Variants in CA10 observed in about 807,000 individuals in gnomAD.
CA10 encodes carbonic anhydrase-related protein 10.
A neutral mutation model predicts 44.2 loss-of-function variants in CA10; 14 were observed. The ratio of observed to expected loss-of-function variants is 0.32; its 90% CI spans 0.21 to 0.50. The LOEUF is 0.50. Ranked by LOEUF, CA10 falls within the 20% of genes least tolerant of loss-of-function variation. CA10 has a pLI of 0.99. For missense variants in CA10, 350 were observed against 409.7 expected, an observed-to-expected ratio of 0.85 and a Z score of 1.26; for synonymous variants, 159 against 141.6, an observed-to-expected ratio of 1.12 and a Z score of -0.87.
In CA10 at chr17:52,132,728, G is replaced by A. The variant is rs569123610; in HGVS notation, c.61+24998C>T. The stretch of plus-strand genomic sequence containing the variant: ...GAAACAAATTTAGGGAGGATTTGGG[G>A]CCCTAAGCCTAGAGATTCCAAGGTC... On this transcript the variant is annotated intron_variant, in intron 1 of 8. Coordinates refer to ENST00000451037, the MANE Select transcript of CA10 (RefSeq NM_020178.5). 1.5e-4 allele frequency among the ~76,000 whole-genome samples: 23 copies of A among 152,270 alleles called. No homozygotes were observed. In the South Asian group the frequency reaches 4.3e-3, roughly 29 times the overall value.
rs546470304 is a variant in CA10 at position 51,822,704 on chromosome 17, C to T, written c.280-74886G>A. 2.0e-5 allele frequency among the ~76,000 whole-genome samples: 3 copies of T among 152,268 alleles called. No homozygotes were observed. In the East Asian group the frequency reaches 5.8e-4, roughly 29 times the overall value. On this transcript the variant is annotated intron_variant, in intron 3 of 8. Transcript: ENST00000451037. Reference sequence around the variant, plus strand: ...AATGTGTAGCATGGTGCACTAGAGACACATAAAAGGGGGCATCTAACTGGA... The same window carrying T: ...AATGTGTAGCATGGTGCACTAGAGATACATAAAAGGGGGCATCTAACTGGA...
intron 4 of CA10, among the ~76,000 whole-genome samples, chr17:51,739,021 C>T (rs1904355195): frequency 6.6e-6 from 1 of 152,074 alleles, no homozygotes. Flanking sequence ...AAAGTTCCTC[C>T]TCTGACACTG....
chr17:52,143,315 T>C (rs1293389976), intron 1 of CA10, among the ~76,000 whole-genome samples: 3 of 152,162 alleles, frequency 2.0e-5, no homozygotes, highest in Non-Finnish European at 2.9e-5. Context: ...CACACAATAA[T>C]GTGATATAAT....
intron 4 of CA10, among the ~76,000 whole-genome samples, chr17:51,731,655 A>G (rs1366717086): frequency 1.4e-5 from 1 of 70,478 alleles, no homozygotes; most frequent in Non-Finnish European, 2.6e-5. Context: ...GGGGCTGGTA[A>G]AAAAAAAAAA....
chr17:51,706,645 A>T (rs1445846230), intron 4 of CA10, among the ~76,000 whole-genome samples: 1 of 152,188 alleles, frequency 6.6e-6, no homozygotes, highest in Non-Finnish European at 1.5e-5. Context: ...CCCTGCTTGA[A>T]GATGTCTGAT....
chr17:51,686,880 A>G (rs1479191886), intron 4 of CA10, among the ~76,000 whole-genome samples: 1 of 152,170 alleles, frequency 6.6e-6, no homozygotes, highest in African/African-American at 2.4e-5. Flanking sequence ...CTCCACCAGC[A>G]AAGTCTTCAG....
At chr17:51,950,026 T>A (rs896441401) in intron 2 of CA10, among the ~76,000 whole-genome samples, 1 of 152,140 alleles carries the variant, frequency 6.6e-6, no homozygotes, top group Non-Finnish European at 1.5e-5. Flanking sequence ...GAACAATTAG[T>A]ATTGGGTACC....
chr17:52,112,306 T>C (rs1033294164), intron 1 of CA10, among the ~76,000 whole-genome samples: 35 of 152,306 alleles, frequency 2.3e-4, no homozygotes, highest in African/African-American at 7.9e-4. Context: ...GGAATATAGC[T>C]GAGCTCTAGA....
chr17:51,745,577 A>G (rs1404536678), intron 4 of CA10, among the ~76,000 whole-genome samples: 2 of 150,702 alleles, frequency 1.3e-5, no homozygotes, highest in African/African-American at 2.4e-5. Flanking sequence ...TTCATACACT[A>G]AGAGATCAAA....
At chr17:52,110,421 G>A (rs546790226) in intron 1 of CA10, among the ~76,000 whole-genome samples, 81 of 152,280 alleles carry the variant, frequency 5.3e-4, no homozygotes, top group Non-Finnish European at 8.4e-4. Flanking sequence ...ATTCCAATAG[G>A]AAAACAGTTA....
At chr17:51,715,725 C>T (rs1258645333) in intron 4 of CA10, among the ~76,000 whole-genome samples, 4 of 152,158 alleles carry the variant, frequency 2.6e-5, no homozygotes, top group African/African-American at 9.6e-5. Context: ...GAGTCTCGCT[C>T]TGTTACCCAG....
intron 1 of CA10, among the ~76,000 whole-genome samples, chr17:52,139,278 T>A (rs1174417712): frequency 6.6e-6 from 1 of 152,184 alleles, no homozygotes; most frequent in African/African-American, 2.4e-5. Flanking sequence ...TCAAAGCACT[T>A]TATGGCCTTT....
chr17:51,746,081 C>G (rs1426274388), intron 4 of CA10, among the ~76,000 whole-genome samples: 1 of 152,114 alleles, frequency 6.6e-6, no homozygotes, highest in Non-Finnish European at 1.5e-5. Flanking sequence ...CCTAATCAAT[C>G]CTAGTATTTT....
At chr17:52,025,179 G>A (rs1986262836) in intron 2 of CA10, among the ~76,000 whole-genome samples, 2 of 152,050 alleles carry the variant, frequency 1.3e-5, no homozygotes, top group African/African-American at 2.4e-5. Flanking sequence ...TTTTAAATAT[G>A]TTTTCTACTG....
At chr17:51,634,925 T>C (rs1427644576) in intron 7 of CA10, among the ~76,000 whole-genome samples, 1 of 152,218 alleles carries the variant, frequency 6.6e-6, no homozygotes, top group Non-Finnish European at 1.5e-5. Context: ...GGCTATCTTT[T>C]CCCACTGAGA....
intron 6 of CA10, among the ~76,000 whole-genome samples, 199 bp downstream of exon 6, chr17:51,648,983 G>A (rs1301754971): frequency 6.6e-6 from 1 of 151,278 alleles, no homozygotes; most frequent in Non-Finnish European, 1.5e-5. Context: ...AGGCATGGAT[G>A]ACAAAGGCAC....
intron 3 of CA10, among the ~76,000 whole-genome samples, chr17:51,877,905 G>A (rs1034515500): frequency 6.6e-6 from 1 of 151,994 alleles, no homozygotes; most frequent in South Asian, 2.1e-4. Context: ...AGCACTTTGG[G>A]AGGCCGAGGC....
At chr17:51,761,223 CAGAT>C (rs532371769) in intron 3 of CA10, 4 of 152,154 alleles carry the variant, frequency 2.6e-5, no homozygotes, top group Non-Finnish European at 5.9e-5. Flanking sequence ...CCAAAACAGA[CAGAT>C]AGCCCTCTAT....
At chr17:51,971,234 A>G (rs1035419174) in intron 2 of CA10, among the ~76,000 whole-genome samples, 5 of 152,074 alleles carry the variant, frequency 3.3e-5, no homozygotes, top group Non-Finnish European at 7.4e-5. Context: ...TCATTTTTAC[A>G]GGCACCTCCG....
Sources: allele counts gnomAD v4.1 joint callset (sites outside exome capture counted in the v4.1 genomes callset), GRCh38; gene constraint gnomAD v4.1.1; transcripts MANE v1.5; gene names NCBI Gene and HGNC (gene_info 2026-07-23, HGNC 2026-07-21).